The following DPP6 variants were observed in gnomAD, a reference collection of about 807,000 sequenced individuals.
DPP6 encodes the protein dipeptidyl peptidase like 6.
In DPP6, 69 loss-of-function variants were observed where a neutral mutation model predicts 122.6. That is an observed-to-expected ratio of 0.56 (90% confidence interval 0.46 to 0.69). DPP6 has a LOEUF of 0.69. Ranked by LOEUF, DPP6 falls within the 30% of genes least tolerant of loss-of-function variation. The probability of loss-of-function intolerance (pLI) is 0.00; values close to 1 mark genes in which losing one functional copy is unlikely to be tolerated. For missense variants in DPP6, 928 were observed against 1,116.9 expected (o/e 0.83, Z 2.41); for synonymous variants, 418 against 433.1 (o/e 0.97, Z 0.43).
intron 1 of DPP6, among the ~76,000 whole-genome samples, chr7:154,084,984 C>T (rs1193297660): frequency 2.3e-3 from 178 of 76,418 alleles, no homozygotes; most frequent in African/African-American, 0.011. Context: ...AGCGAGACTC[C>T]GTCTCAAAAA....
At chr7:154,180,321 C>T (rs1054341700) in intron 1 of DPP6, among the ~76,000 whole-genome samples, 3 of 150,566 alleles carry the variant, frequency 2.0e-5, no homozygotes, top group Non-Finnish European at 4.4e-5. Flanking sequence ...GCACTCCAGC[C>T]TGGGCAACAA....
At chr7:154,865,048 T>C (rs1803736838) in intron 17 of DPP6, among the ~76,000 whole-genome samples, 1 of 152,212 alleles carries the variant, frequency 6.6e-6, no homozygotes, top group African/African-American at 2.4e-5. Context: ...GACAAGAGCG[T>C]ACTTTAACCA....
At position 154,052,663 on chromosome 7, in the gene DPP6, G is replaced by A. The variant is rs1800440331; in HGVS notation, c.-158G>A. On this transcript the variant is annotated 5_prime_UTR_variant, in exon 1 of 26. Coordinates refer to ENST00000377770, the MANE Select transcript of DPP6 (RefSeq NM_130797.4). This position sits in a 1 kb window ranked among gnomAD's most constrained non-coding sequence, Gnocchi z 4.8. ...GACTCGCGAGTGGCGCGCGGGAGGAGCGGCCGCCGGCGCTGGGCTTGCCTT... is the reference window on the plus strand; with the variant it reads ...GACTCGCGAGTGGCGCGCGGGAGGAACGGCCGCCGGCGCTGGGCTTGCCTT... 5 of 1,261,286 alleles carry A rather than the reference G, an allele frequency of 4.0e-6. No homozygotes were observed. The South Asian group carries it at 8.6e-5, about 22-fold the overall frequency. The allele number at this position is 1,261,286 out of a possible 1,614,324, so 78.1% of individuals were successfully genotyped here.
At chr7:154,669,248 T>C in intron 6 of DPP6, 112 bp from the exon 7 acceptor site, 3 of 1,486,174 alleles carry the variant, frequency 2.0e-6, no homozygotes, top group Non-Finnish European at 9.1e-7. Context: ...TTGAAATGGA[T>C]ACCATGGAAG....
intron 10 of DPP6, among the ~76,000 whole-genome samples, chr7:154,783,905 T>G (rs1221490274): frequency 6.6e-6 from 1 of 152,164 alleles, no homozygotes; most frequent in Non-Finnish European, 1.5e-5. Flanking sequence ...CAGGACAGGC[T>G]GACAAACATG....
intron 3 of DPP6, among the ~76,000 whole-genome samples, chr7:154,518,656 C>G (rs1032918624): frequency 6.6e-6 from 1 of 152,092 alleles, no homozygotes; most frequent in African/African-American, 2.4e-5. Flanking sequence ...GTAAAGTATT[C>G]CCATAGGCCT....
At chr7:154,855,107 C>T (rs556961561) in intron 17 of DPP6, among the ~76,000 whole-genome samples, 10 of 151,956 alleles carry the variant, frequency 6.6e-5, no homozygotes, top group South Asian at 2.1e-4. Context: ...GGCGGTGAGG[C>T]GCATGTTGGA....
At chr7:154,738,804 T>C (rs756289247) in intron 8 of DPP6, among the ~76,000 whole-genome samples, 1 of 152,196 alleles carries the variant, frequency 6.6e-6, no homozygotes, top group African/African-American at 2.4e-5. Context: ...TTCCATAAAC[T>C]TCAAACGTAA....
At chr7:153,945,912 A>G (rs1032182165) in intron 1 of DPP6, among the ~76,000 whole-genome samples, 6 of 152,162 alleles carry the variant, frequency 3.9e-5, no homozygotes, top group Non-Finnish European at 1.5e-5. Flanking sequence ...TTGATTTTCA[A>G]TCAGTTGATC....
At chr7:154,645,964 C>G (rs1448137134) in intron 6 of DPP6, among the ~76,000 whole-genome samples, 1 of 133,888 alleles carries the variant, frequency 7.5e-6, no homozygotes, top group South Asian at 2.5e-4. Context: ...GGAGGTGGAG[C>G]TTGCAGTGAG....
chr7:154,389,072 G>A (rs529603504), intron 1 of DPP6, among the ~76,000 whole-genome samples: 17 of 152,224 alleles, frequency 1.1e-4, no homozygotes, highest in African/African-American at 2.6e-4. Context: ...ATGGATTACC[G>A]TCCCCGCAGT....
Position 154,879,444 on chromosome 7 carries a change from GC to G in DPP6, c.2079-1442del, listed in dbSNP as rs1563316378. ...AAAAAAAAAAAAATACAAAAAATTA[GC>G]CGGGCGAGGTGGCGGGCACCTGTAG... is the stretch of plus-strand genomic sequence containing the variant. On this transcript the variant is annotated intron_variant, in intron 20 of 25. Transcript: ENST00000377770. Among the ~76,000 whole-genome samples the G allele has an allele frequency of 5.2e-5, 7 of 134,874 alleles. 1 individual carries two copies. The highest frequency in any genetic ancestry group is 1.1e-4 in the Non-Finnish European group (7 of 65,624). The allele number at this position is 134,874 out of a possible 152,430, so 88.5% of individuals were successfully genotyped here. A position where few individuals can be genotyped will look rare whatever the true frequency, so the allele number is the denominator to read the frequency against.
upstream of DPP6, among the ~76,000 whole-genome samples, chr7:154,050,793 A>ATT (rs3980034): frequency 0.34 from 40,895 of 119,496 alleles, 7,757 homozygotes; most frequent in Middle Eastern, 0.38. Context: ...TGTATTTGCT[A>ATT]TTTTTTAAAG....
intron 3 of DPP6, among the ~76,000 whole-genome samples, chr7:154,492,293 G>C (rs1037735993): frequency 2.0e-5 from 3 of 152,156 alleles, no homozygotes; most frequent in Non-Finnish European, 4.4e-5. Flanking sequence ...ACACCACATG[G>C]TTCCAGAAAG....
chr7:154,750,274 G>A (rs893330720), intron 8 of DPP6, among the ~76,000 whole-genome samples: 1 of 152,206 alleles, frequency 6.6e-6, no homozygotes, highest in Non-Finnish European at 1.5e-5. Context: ...ACAAGAAGCG[G>A]GAGTCGCAGC....
chr7:154,077,000 A>G (rs1156349704), intron 1 of DPP6, among the ~76,000 whole-genome samples: 1 of 152,220 alleles, frequency 6.6e-6, no homozygotes, highest in African/African-American at 2.4e-5. Context: ...TTTACCATGT[A>G]GATTTCTTGT....
chr7:153,918,925 G>A (rs1455211879), intron 1 of DPP6, among the ~76,000 whole-genome samples: 3 of 142,006 alleles, frequency 2.1e-5, no homozygotes, highest in Non-Finnish European at 3.0e-5. Flanking sequence ...GTTGCAGTGA[G>A]CCGAGATCAT....
intron 16 of DPP6, among the ~76,000 whole-genome samples, chr7:154,816,586 A>G (rs1283886822): frequency 7.1e-6 from 1 of 140,000 alleles, no homozygotes; most frequent in African/African-American, 2.7e-5. Context: ...TCTGATACAT[A>G]GTGAGTGTTT....
At chr7:154,581,503 G>A (rs1036580959) in intron 5 of DPP6, among the ~76,000 whole-genome samples, 7 of 152,184 alleles carry the variant, frequency 4.6e-5, no homozygotes, top group Admixed American at 1.3e-4. Context: ...AGGAGAACAC[G>A]GGTTTCACAG....
Sources: gnomAD v4.1 joint callset for allele counts (sites outside exome capture counted in the v4.1 genomes callset) on GRCh38, gnomAD v4.1.1 for gene constraint, Gnocchi (gnomAD v3.1) non-coding constraint, MANE v1.5 for transcripts, NCBI Gene and HGNC (gene_info 2026-07-23, HGNC 2026-07-21) for gene names.